Variants in DGKI observed in about 807,000 individuals in gnomAD.
The protein encoded by DGKI is DAG kinase iota.
Under a neutral mutation model 147.5 loss-of-function variants are expected in DGKI, and 55 were observed. The observed-to-expected ratio is 0.37, with a 90% CI of 0.30 to 0.47. The LOEUF is 0.47. Ranked by LOEUF, DGKI falls within the 20% of genes least tolerant of loss-of-function variation. The pLI is 1.00. For synonymous variants in DGKI, 469 were observed against 477.1 expected (o/e 0.98, Z 0.22); for missense variants, 1,007 against 1,323.8 (o/e 0.76, Z 3.71).
intron 28 of DGKI, among the ~76,000 whole-genome samples, chr7:137,437,575 AC>A (rs1313971975): frequency 6.6e-6 from 1 of 152,186 alleles, no homozygotes; most frequent in East Asian, 1.9e-4. Context: ...TTTTCTTTAT[AC>A]AAATTTATAG....
intron 19 of DGKI, among the ~76,000 whole-genome samples, chr7:137,558,873 G>A (rs1191128383): frequency 6.3e-5 from 6 of 95,158 alleles, no homozygotes; most frequent in Admixed American, 6.3e-4. Context: ...AAAGCTCCAT[G>A]GTAAAACATG....
In DGKI at chr7:137,468,256, T is replaced by C. The variant is rs190670473; in HGVS notation, c.2443+1294A>G. Among the ~76,000 whole-genome samples the C allele has an allele frequency of 2.6e-5, 4 of 152,330 alleles. No individual in the cohort carries two copies. In the East Asian group the frequency reaches 7.7e-4, roughly 29 times the overall value. On this transcript the variant is annotated intron_variant, in intron 24 of 32. Coordinates refer to ENST00000614521, the MANE Select transcript of DGKI (RefSeq NM_001321708.2). ...AAATCTGCCTTGGAGAAATTCACTC[T>C]ACTTTTTTCTTTTAAACCATGACTG...
chr7:137,647,206 G>A (rs1358887358), intron 5 of DGKI, among the ~76,000 whole-genome samples: 1 of 152,144 alleles, frequency 6.6e-6, no homozygotes, highest in Non-Finnish European at 1.5e-5. Context: ...GAATTTTCAT[G>A]AGTAGAGATG....
At chr7:137,618,819 TA>T (rs1820640405) in intron 8 of DGKI, among the ~76,000 whole-genome samples, 3 of 152,218 alleles carry the variant, frequency 2.0e-5, no homozygotes, top group Admixed American at 2.0e-4. Context: ...TTTTAATATG[TA>T]GACACTATAC....
intron 23 of DGKI, among the ~76,000 whole-genome samples, chr7:137,472,356 A>ATATACATTATATGTATATGTATATG (rs1814989555): frequency 1.7e-4 from 1 of 5,984 alleles, no homozygotes; most frequent in Admixed American, 1.7e-3. Context: ...TATTATATGT[A>ATATACATTATATGTATATGTATATG]TATATACATA....
At chr7:137,448,974 T>C (rs939637055) in intron 27 of DGKI, among the ~76,000 whole-genome samples, 1 of 152,042 alleles carries the variant, frequency 6.6e-6, no homozygotes, top group Non-Finnish European at 1.5e-5. Flanking sequence ...TATGAAACAT[T>C]GATGAAAGAA....
At chr7:137,584,246 G>A (rs1257328316) in intron 14 of DGKI, among the ~76,000 whole-genome samples, 4 of 152,120 alleles carry the variant, frequency 2.6e-5, no homozygotes, top group Non-Finnish European at 5.9e-5. Flanking sequence ...ACTGGGCCTT[G>A]TAATCTGCAT....
intron 1 of DGKI, among the ~76,000 whole-genome samples, chr7:137,744,723 G>A (rs537250335): frequency 2.2e-4 from 33 of 152,286 alleles, no homozygotes; most frequent in African/African-American, 5.3e-4. Context: ...ATCCTGGGAT[G>A]CAAGGATGGT....
chr7:137,603,907 C>T (rs1159974927), intron 10 of DGKI, among the ~76,000 whole-genome samples: 1 of 152,126 alleles, frequency 6.6e-6, no homozygotes, highest in Non-Finnish European at 1.5e-5. Context: ...ATAATGTATG[C>T]TGAGAGGCTT....
At position 137,577,394 on chromosome 7, in the gene DGKI, A is replaced by T. The variant is rs953130251; in HGVS notation, c.1699-110T>A. On this transcript the variant is annotated intron_variant, in intron 16 of 32. Coordinates refer to ENST00000614521, the MANE Select transcript of DGKI (RefSeq NM_001321708.2). ...ATTCCAAAGTATGCAAAAATTCTAA[A>T]CATGTTCTCTTTCTGCAGAATCCAA... The T allele has an allele frequency of 5.2e-6, 4 of 766,592 alleles. No homozygotes were observed. In the African/African-American group the frequency reaches 7.1e-5, roughly 14 times the overall value. The allele number at this position is 766,592 out of a possible 1,614,324, so 47.5% of individuals were successfully genotyped here. A position where few individuals can be genotyped will look rare whatever the true frequency, so the allele number is the denominator to read the frequency against.
chr7:137,775,477 T>C (rs1049394899), intron 1 of DGKI, among the ~76,000 whole-genome samples: 3 of 152,222 alleles, frequency 2.0e-5, no homozygotes, highest in African/African-American at 7.2e-5. Context: ...AATCCTCAAA[T>C]GAATTTTAGA....
At chr7:137,606,148 G>T (rs1312785038) in intron 10 of DGKI, among the ~76,000 whole-genome samples, 4 of 151,978 alleles carry the variant, frequency 2.6e-5, no homozygotes, top group African/African-American at 9.7e-5. Flanking sequence ...TTAAAAGAGA[G>T]ACATAGAAGC....
At chr7:137,436,027 G>A (rs1038764737) in intron 28 of DGKI, among the ~76,000 whole-genome samples, 1 of 152,050 alleles carries the variant, frequency 6.6e-6, no homozygotes, top group African/African-American at 2.4e-5. Flanking sequence ...TGATCGCCTC[G>A]GCCTCCCAAA....
chr7:137,752,826 C>T (rs1489254988), intron 1 of DGKI, among the ~76,000 whole-genome samples: 2 of 152,138 alleles, frequency 1.3e-5, no homozygotes, highest in Non-Finnish European at 2.9e-5. Flanking sequence ...GAATAAAGCC[C>T]TTCCTTCTTT....
At chr7:137,462,501 T>C (rs919248818) in intron 27 of DGKI, among the ~76,000 whole-genome samples, 1 of 152,218 alleles carries the variant, frequency 6.6e-6, no homozygotes, top group Non-Finnish European at 1.5e-5. Context: ...GCCTCGAAAC[T>C]TTGCCAATGA....
At chr7:137,805,365 C>A (rs866339752) in intron 1 of DGKI, among the ~76,000 whole-genome samples, 1 of 152,164 alleles carries the variant, frequency 6.6e-6, no homozygotes, top group Non-Finnish European at 1.5e-5. Flanking sequence ...AGAAAGAATG[C>A]CTACCATCCC....
chr7:137,432,279 G>A (rs1731908), intron 28 of DGKI, among the ~76,000 whole-genome samples: 3,090 of 152,242 alleles, frequency 0.02, 110 homozygotes, highest in African/African-American at 0.071. Flanking sequence ...TAATACACAA[G>A]TCATTCTGTG....
At chr7:137,439,634 C>T (rs1234580261) in intron 28 of DGKI, among the ~76,000 whole-genome samples, 1 of 152,174 alleles carries the variant, frequency 6.6e-6, no homozygotes, top group Non-Finnish European at 1.5e-5. Context: ...GGGACACAGC[C>T]AAACCATATC....
chr7:137,567,071 C>G (rs1818611511), intron 19 of DGKI, among the ~76,000 whole-genome samples: 1 of 136,098 alleles, frequency 7.3e-6, no homozygotes. Context: ...TCAAGACCAG[C>G]CTGACCAACA....
Sources: gnomAD v4.1 joint callset for allele counts (sites outside exome capture counted in the v4.1 genomes callset) on GRCh38, gnomAD v4.1.1 for gene constraint, MANE v1.5 for transcripts, NCBI Gene and HGNC (gene_info 2026-07-23, HGNC 2026-07-21) for gene names.